Variants in TOPAZ1 observed in about 807,000 individuals in gnomAD.
The protein encoded by TOPAZ1 is protein TOPAZ1.
TOPAZ1 carries 66 observed loss-of-function variants against 172.2 expected under a neutral mutation model. The observed-to-expected ratio is 0.38, with a 90% confidence interval of 0.31 to 0.47. The LOEUF is 0.47. TOPAZ1 is among the 20% of genes least tolerant of loss of function. TOPAZ1 has a pLI of 0.99. For missense variants in TOPAZ1, 1,822 were observed against 1,972.4 expected, an observed-to-expected ratio of 0.92 and a Z score of 1.44; for synonymous variants, 681 against 683.9, an observed-to-expected ratio of 1.00 and a Z score of 0.07.
In TOPAZ1 at chr3:44,245,142, A is replaced by T; in HGVS notation, c.2636A>T (p.Glu879Val). Residue 879 changes from glutamate to valine, a missense_variant, in exon 2 of 20, where the codon GAA (glutamate) becomes GTA (valine). Coordinates refer to ENST00000309765, the MANE Select transcript of TOPAZ1 (RefSeq NM_001145030.2). ...CCAGACCTCTTTGGAGTCTCCAATGAAGGGGAGCTCTCATTTACTTCTGAG... is the reference window on the plus strand; with the variant it reads ...CCAGACCTCTTTGGAGTCTCCAATGTAGGGGAGCTCTCATTTACTTCTGAG... ...DDPDLFGVSN[E>V]GELSFTSEVP... The T allele has an allele frequency of 6.4e-7, 1 of 1,552,050 alleles. No individual in the cohort carries two copies.
chr3:44,255,053 A>G, intron 3 of TOPAZ1, 24 bp downstream of exon 3: 2 of 1,531,076 alleles, frequency 1.3e-6, no homozygotes, highest in Non-Finnish European at 1.8e-6. Flanking sequence ...TTTTCAGAAT[A>G]TGCAATATTG....
At chr3:44,278,465 C>T (rs940648074) in intron 8 of TOPAZ1, among the ~76,000 whole-genome samples, 2 of 152,030 alleles carry the variant, frequency 1.3e-5, no homozygotes, top group Non-Finnish European at 2.9e-5. Flanking sequence ...AGTTCTTCTT[C>T]GAAAGTTTGG....
At chr3:44,255,374 TA>T (rs11344605) in intron 3 of TOPAZ1, among the ~76,000 whole-genome samples, 67,248 of 151,850 alleles carry the variant, frequency 0.44, 16,572 homozygotes, top group East Asian at 0.81. Flanking sequence ...TATAGTTGGC[TA>T]GGGGCGGTGG....
At chr3:44,251,530 T>A (rs1575705631) in intron 2 of TOPAZ1, among the ~76,000 whole-genome samples, 1 of 152,374 alleles carries the variant, frequency 6.6e-6, no homozygotes, top group East Asian at 1.9e-4. Flanking sequence ...AGATCTGTTT[T>A]ATATTACAAT....
chr3:44,256,119 A>G (rs1190482757), intron 3 of TOPAZ1, 32 bp from the exon 4 acceptor site: 2 of 1,451,368 alleles, frequency 1.4e-6, no homozygotes, highest in Non-Finnish European at 1.8e-6. Context: ...TTGTCTTTAA[A>G]GTTTCTATAG....
intron 16 of TOPAZ1, among the ~76,000 whole-genome samples, chr3:44,311,227 G>A (rs1051984510): frequency 4.6e-5 from 7 of 152,164 alleles, no homozygotes; most frequent in Non-Finnish European, 1.0e-4. Flanking sequence ...GAGGTTGTGA[G>A]TAGGCTTCAT....
chr3:44,244,070 T>C lies in TOPAZ1; in HGVS notation c.1564T>C (p.Ser522Pro). ...LPESSYFLRG[S>P]QESCRQVDVP... ...AGAATCAAGTTACTTTCTTCGTGGGTCTCAGGAAAGTTGTAGGCAAGTTGA... is the reference window on the plus strand; with the variant it reads ...AGAATCAAGTTACTTTCTTCGTGGGCCTCAGGAAAGTTGTAGGCAAGTTGA... The change falls in exon 2 of 20, where the codon TCT becomes CCT. Residue 522 changes from serine (S) to proline (P), a missense_variant. Around this residue, in one of 2 missense-constraint regions of TOPAZ1, gnomAD observed 1,489 missense variants for 1,490.8 expected, o/e 1.00. Coordinates refer to ENST00000309765, the MANE Select transcript of TOPAZ1 (RefSeq NM_001145030.2). 1.9e-6 allele frequency: 3 copies of C among 1,551,736 alleles called. No homozygotes were observed. The highest frequency in any genetic ancestry group is 2.6e-6 in the Non-Finnish European group (3 of 1,146,978).
At chr3:44,332,683 C>T (rs1156982985), downstream of TOPAZ1, among the ~76,000 whole-genome samples, 1 of 152,134 alleles carries the variant, frequency 6.6e-6, no homozygotes, top group Non-Finnish European at 1.5e-5. Context: ...ATCTGTATCA[C>T]ATTCTCCAAG....
chr3:44,293,705 AAG>A (rs1356537720), intron 12 of TOPAZ1, among the ~76,000 whole-genome samples: 4 of 152,174 alleles, frequency 2.6e-5, no homozygotes, highest in African/African-American at 9.7e-5. Context: ...ATATTGAAGA[AAG>A]AGAAACTTTT....
rs115582927 is a variant in TOPAZ1, at chr3:44,314,368, T to C, written c.4306+4378T>C. On this transcript the variant is annotated intron_variant, in intron 16 of 19. Coordinates refer to ENST00000309765, the MANE Select transcript of TOPAZ1 (RefSeq NM_001145030.2). Reference sequence around the variant, plus strand: ...GTTTCATAATAATGTGAGTATTCACTATCTACCAAGCATTGTGCTAAGTGT... The same window carrying C: ...GTTTCATAATAATGTGAGTATTCACCATCTACCAAGCATTGTGCTAAGTGT... Among the ~76,000 whole-genome samples, 489 of 152,356 alleles carry C rather than the reference T, an allele frequency of 3.2e-3. 2 individuals are homozygous for C. Among genetic ancestry groups the C allele is most frequent in the African/African-American group, 0.011 (459 of 41,584 alleles).
chr3:44,255,870 A>G (rs1160903558), intron 3 of TOPAZ1, among the ~76,000 whole-genome samples: 4 of 150,948 alleles, frequency 2.6e-5, no homozygotes, highest in Non-Finnish European at 4.4e-5. Context: ...TATATTTAAA[A>G]GTATATTTTA....
At chr3:44,269,493 T>TTTTTTTTTTC in intron 7 of TOPAZ1, among the ~76,000 whole-genome samples, 192 bp downstream of exon 7, 1 of 136,748 alleles carries the variant, frequency 7.3e-6, no homozygotes, top group African/African-American at 2.8e-5. Context: ...TTTTTTTTTT[T>TTTTTTTTTTC]TTTTTTTTTG....
chr3:44,321,258 T>C (rs918889600), intron 17 of TOPAZ1, 67 bp downstream of exon 17: 10 of 1,118,850 alleles, frequency 8.9e-6, no homozygotes, highest in Non-Finnish European at 1.1e-5. Context: ...TAATAAGAAA[T>C]AGTTATCCAC....
chr3:44,259,002 C>G (rs1699746291), intron 4 of TOPAZ1, among the ~76,000 whole-genome samples: 1 of 152,214 alleles, frequency 6.6e-6, no homozygotes, highest in African/African-American at 2.4e-5. Context: ...GTTCAGAGAT[C>G]AGCTAGAGAT....
At chr3:44,332,994 T>G (rs562574900), downstream of TOPAZ1, among the ~76,000 whole-genome samples, 301 of 135,666 alleles carry the variant, frequency 2.2e-3, no homozygotes, top group African/African-American at 5.8e-3. Flanking sequence ...TTTTTTGTGG[T>G]TTTTTTTTTT....
intron 16 of TOPAZ1, among the ~76,000 whole-genome samples, chr3:44,312,658 G>A (rs981541753): frequency 2.6e-5 from 4 of 152,032 alleles, no homozygotes; most frequent in Non-Finnish European, 4.4e-5. Context: ...CTGCAAATGA[G>A]CAACAGATTG....
chr3:44,257,472 GTGTGTGTGTGTGTGTGTGTGTGT>G (rs1699727817), intron 4 of TOPAZ1, among the ~76,000 whole-genome samples: 1 of 2,616 alleles, frequency 3.8e-4, no homozygotes, highest in African/African-American at 1.6e-3. Flanking sequence ...TATATATAGT[GTGTGTGTGTGTGTGTGTGTGTGT>G]GTGTGTGTGT....
intron 3 of TOPAZ1, 79 bp downstream of exon 3, chr3:44,255,108 C>A: frequency 9.8e-7 from 1 of 1,016,074 alleles, no homozygotes; most frequent in Non-Finnish European, 1.5e-6. Flanking sequence ...AAGATGAATT[C>A]ACTAGAACAA....
intron 8 of TOPAZ1, among the ~76,000 whole-genome samples, chr3:44,275,120 A>G (rs1252461989): frequency 3.3e-5 from 5 of 152,022 alleles, no homozygotes; most frequent in African/African-American, 1.2e-4. Context: ...AATATGTAAA[A>G]TATTGTGAAT....
Sources: gnomAD v4.1 joint callset for allele counts (sites outside exome capture counted in the v4.1 genomes callset) on GRCh38, gnomAD v4.1.1 for gene constraint, gnomAD v4.1.1 regional missense constraint, MANE v1.5 for transcripts, NCBI Gene and HGNC (gene_info 2026-07-23, HGNC 2026-07-21) for gene names.